The following CPNE2 variants were observed in gnomAD, a reference collection of about 807,000 sequenced individuals.
CPNE2 encodes copine-2.
Under a neutral mutation model 69.7 loss-of-function variants are expected in CPNE2, and 42 were observed. The observed-to-expected ratio is 0.60, with a 90% CI of 0.47 to 0.78. The LOEUF is 0.78. Ranked by LOEUF, CPNE2 falls within the 30% of genes least tolerant of loss-of-function variation. The probability of loss-of-function intolerance (pLI) is 0.00; values close to 1 mark genes in which losing one functional copy is unlikely to be tolerated. For synonymous variants in CPNE2, 294 were observed against 289.8 expected (o/e 1.01, Z -0.15); for missense variants, 587 against 732.0 (o/e 0.80, Z 2.29).
intron 1 of CPNE2, among the ~76,000 whole-genome samples, chr16:57,095,941 C>T (rs2069575759): frequency 6.6e-6 from 1 of 152,214 alleles, no homozygotes; most frequent in Admixed American, 6.5e-5. Context: ...GCTTATCTGC[C>T]TCCCTCCCCA....
Position 57,111,428 on chromosome 16 carries a change from T to G in CPNE2, c.180+506T>G, listed in dbSNP as rs529503786. ...CCTGACCTCAAGCAATCCACCTGCCTCCACTTCCCAAAGTGCTGGGATTAC... is the reference window on the plus strand; with the variant it reads ...CCTGACCTCAAGCAATCCACCTGCCGCCACTTCCCAAAGTGCTGGGATTAC... On this transcript the variant is annotated intron_variant, in intron 2 of 15. Coordinates refer to ENST00000290776, the MANE Select transcript of CPNE2 (RefSeq NM_152727.6). Among the ~76,000 whole-genome samples, 8 of 152,348 alleles carry G rather than the reference T, an allele frequency of 5.3e-5. No individual in the cohort carries two copies. In the East Asian group the frequency reaches 1.5e-3, roughly 29 times the overall value.
At chr16:57,113,035 G>A in intron 2 of CPNE2, 2 of 425,778 alleles carry the variant, frequency 4.7e-6, no homozygotes, top group Non-Finnish European at 8.5e-6. Flanking sequence ...TAAGAGTGTG[G>A]GTAGCAGAGT....
intron 2 of CPNE2, chr16:57,113,023 A>C: frequency 2.7e-6 from 1 of 374,948 alleles, no homozygotes; most frequent in Non-Finnish European, 4.9e-6. Context: ...GGGCCAAAGA[A>C]TTAAGAGTGT....
At position 57,125,876 on chromosome 16, in the gene CPNE2, C is replaced by T; in HGVS notation, c.944C>T (p.Thr315Ile). Residue 315 changes from threonine to isoleucine, a missense_variant, in exon 11 of 16, where the codon ACA becomes ATA. By Grantham distance (89) the Thr-to-Ile change is moderately conservative. This residue lies in a region of CPNE2 where 269 missense variants were observed against 300.5 expected (regional missense o/e 0.90). Transcript: ENST00000290776. ...ACTCTGCAGGTTGGAATAGACTTTA[C>T]AGCCTCCAACGGGAATCCCCTCGAC... ...QLMFTVGIDFTASNGNPLDPS... is the reference protein window; with the variant it reads ...QLMFTVGIDFIASNGNPLDPS... The T allele has an allele frequency of 1.2e-6, 2 of 1,614,160 alleles. No homozygotes were observed. The highest frequency in any genetic ancestry group is 1.7e-6 in the Non-Finnish European group (2 of 1,180,026).
intron 8 of CPNE2, 27 bp downstream of exon 8, chr16:57,121,218 C>T: frequency 6.3e-7 from 1 of 1,597,808 alleles, no homozygotes; most frequent in Non-Finnish European, 8.6e-7. Context: ...TACTGTAACC[C>T]CAAGACCTCA....
Position 57,107,015 on chromosome 16 carries a change from G to A in CPNE2, c.-35-3693G>A, listed in dbSNP as rs564902630. Among the ~76,000 whole-genome samples, 3 of 152,338 alleles carry A rather than the reference G, an allele frequency of 2.0e-5. No individual in the cohort carries two copies. The South Asian group carries it at 6.2e-4, about 32-fold the overall frequency. ...CCTGTCTCTGCCTTTTCCTGGCCCT[G>A]TAACCTCAAGCAAGTGACTTTTACT... On this transcript the variant is annotated intron_variant, in intron 1 of 15. Transcript: ENST00000290776.
intron 12 of CPNE2, among the ~76,000 whole-genome samples, chr16:57,131,633 C>T (rs35450043): frequency 0.039 from 5,890 of 152,314 alleles, 193 homozygotes; most frequent in African/African-American, 0.092. Flanking sequence ...CTGGAGTGCC[C>T]GGCGGTGCCA....
chr16:57,129,893 G>C (rs925712045), intron 12 of CPNE2, among the ~76,000 whole-genome samples: 17 of 152,156 alleles, frequency 1.1e-4, no homozygotes, highest in South Asian at 2.1e-4. Flanking sequence ...GGCCACCTGG[G>C]CCAGGACCCA....
At chr16:57,095,322 G>C (rs1450076099) in intron 1 of CPNE2, among the ~76,000 whole-genome samples, 1 of 152,236 alleles carries the variant, frequency 6.6e-6, no homozygotes, top group African/African-American at 2.4e-5. Context: ...CCTGAGGACA[G>C]AGCCCAGGTT....
chr16:57,119,957 G>C (rs1479345042), intron 7 of CPNE2, among the ~76,000 whole-genome samples: 1 of 152,210 alleles, frequency 6.6e-6, no homozygotes, highest in Non-Finnish European at 1.5e-5. Flanking sequence ...TGAGGACAGT[G>C]ATTACCAGTC....
chr16:57,094,145 G>A (rs2069563148), intron 1 of CPNE2: 1 of 452,998 alleles, frequency 2.2e-6, no homozygotes, highest in South Asian at 1.6e-5. Context: ...ACCCAGGCAG[G>A]TTTCTCCATG....
intron 13 of CPNE2, among the ~76,000 whole-genome samples, chr16:57,135,207 T>C (rs1214736470): frequency 2.6e-5 from 4 of 152,148 alleles, no homozygotes; most frequent in Non-Finnish European, 4.4e-5. Flanking sequence ...CAGACACACC[T>C]GCTTTCACCT....
In CPNE2 at chr16:57,115,467, C is replaced by T. The variant is rs760316086; in HGVS notation, c.361-9C>T. 6.2e-7 allele frequency: 1 copy of T among 1,607,082 alleles called. No individual in the cohort carries two copies. Among genetic ancestry groups the T allele is most frequent in the African/African-American group, 1.3e-5 (1 of 74,544 alleles). ...CCTCACTGAGCGCCCTTTCTCCTCT[C>T]TCCCCTAGATCGTCTCCAGCAAGAA... On this transcript the variant is annotated splice_polypyrimidine_tract_variant and intron_variant, in intron 3 of 15. Transcript: ENST00000290776.
intron 12 of CPNE2, among the ~76,000 whole-genome samples, chr16:57,132,025 C>T (rs1235556610): frequency 6.6e-6 from 1 of 152,176 alleles, no homozygotes; most frequent in African/African-American, 2.4e-5. Context: ...GCCTGCATCC[C>T]AGCACCTGGC....
At chr16:57,132,888 C>T (rs971994464) in intron 12 of CPNE2, among the ~76,000 whole-genome samples, 1 of 152,100 alleles carries the variant, frequency 6.6e-6, no homozygotes, top group Non-Finnish European at 1.5e-5. Flanking sequence ...CAACCTTCCA[C>T]AGCCCCCCTG....
At chr16:57,098,736 A>G (rs528481507) in intron 1 of CPNE2, among the ~76,000 whole-genome samples, 1 of 152,072 alleles carries the variant, frequency 6.6e-6, no homozygotes, top group Non-Finnish European at 1.5e-5. Flanking sequence ...CTCATTTTCA[A>G]CAAACTTGTG....
Position 57,137,142 on chromosome 16 carries a change from G to C in CPNE2, c.1169-7G>C. ...CCTGGCTGATCCAGACTCTTCTCCCGAGGCAGGTGTGGATGGTATTGCCCA... is the reference window on the plus strand; with the variant it reads ...CCTGGCTGATCCAGACTCTTCTCCCCAGGCAGGTGTGGATGGTATTGCCCA... On this transcript the variant is annotated splice_region_variant and splice_polypyrimidine_tract_variant and intron_variant, in intron 13 of 15. Coordinates refer to ENST00000290776, the MANE Select transcript of CPNE2 (RefSeq NM_152727.6). 6.2e-7 allele frequency: 1 copy of C among 1,613,438 alleles called. No homozygotes were observed. The highest frequency in any genetic ancestry group is 8.5e-7 in the Non-Finnish European group (1 of 1,179,440).
rs1199695454 is a variant in CPNE2 at position 57,147,966 on chromosome 16, A to G, written c.*308A>G. On this transcript the variant is annotated 3_prime_UTR_variant, in exon 16 of 16. Coordinates refer to ENST00000290776, the MANE Select transcript of CPNE2 (RefSeq NM_152727.6). Reference sequence around the variant, plus strand: ...TGAGAATAAAATTTTTACAATCATAACTGGCTTTTTCCAAGTAACTAGCTG... The same window carrying G: ...TGAGAATAAAATTTTTACAATCATAGCTGGCTTTTTCCAAGTAACTAGCTG... 1 of 257,784 alleles carries G rather than the reference A, an allele frequency of 3.9e-6. No homozygotes were observed. The highest frequency in any genetic ancestry group is 7.3e-6 in the Non-Finnish European group (1 of 137,172). 16.0% of individuals were successfully genotyped at this position (257,784 alleles called of 1,614,324 possible).
At chr16:57,108,915 G>A (rs1236546866) in intron 1 of CPNE2, among the ~76,000 whole-genome samples, 1 of 152,200 alleles carries the variant, frequency 6.6e-6, no homozygotes. Flanking sequence ...CAGGATCTGA[G>A]GCATATGGAG....
Sources: allele counts gnomAD v4.1 joint callset (sites outside exome capture counted in the v4.1 genomes callset), GRCh38; gene constraint gnomAD v4.1.1; regional missense constraint gnomAD v4.1.1; transcripts MANE v1.5; gene names NCBI Gene and HGNC (gene_info 2026-07-23, HGNC 2026-07-21).